Variants in THSD1 observed in about 807,000 individuals in gnomAD.
THSD1 encodes the protein thrombospondin type-1 domain-containing protein 1.
Under a neutral mutation model 46.3 loss-of-function variants are expected in THSD1, and 34 were observed. That is an observed-to-expected ratio of 0.74 (90% confidence interval 0.56 to 0.98). The LOEUF (loss-of-function observed/expected upper bound fraction) is 0.98. THSD1 is among the 50% of genes least tolerant of loss of function. The pLI is 0.00. For synonymous variants in THSD1, 407 were observed against 416.5 expected, an observed-to-expected ratio of 0.98 and a Z score of 0.28; for missense variants, 1,023 against 1,058.3, an observed-to-expected ratio of 0.97 and a Z score of 0.46.
intron 3 of THSD1, among the ~76,000 whole-genome samples, chr13:52,390,132 C>T (rs181951081): frequency 1.6e-5 from 2 of 126,242 alleles, no homozygotes; most frequent in Admixed American, 8.6e-5. Flanking sequence ...CAGAGTGAGA[C>T]ATTGTCTCAA....
intron 4 of THSD1, chr13:52,384,184 C>CAAAAA (rs754288122): frequency 1.7e-3 from 272 of 162,542 alleles, no homozygotes; most frequent in African/African-American, 0.011. Context: ...AACTCCGTCT[C>CAAAAA]AAAAAAAAAA....
In THSD1 at chr13:52,377,360, A is replaced by C; in HGVS notation, c.*51T>G. ...TACAAATAGTTACACAAAAGTCTACAAAACGCGAGTAGCAGACCCCAGCTG... is the reference window on the plus strand; with the variant it reads ...TACAAATAGTTACACAAAAGTCTACCAAACGCGAGTAGCAGACCCCAGCTG... On this transcript the variant is annotated 3_prime_UTR_variant, in exon 5 of 5. Coordinates refer to ENST00000258613, the MANE Select transcript of THSD1 (RefSeq NM_018676.4). The C allele has an allele frequency of 6.8e-7, 1 of 1,475,648 alleles. No individual in the cohort carries two copies. Among genetic ancestry groups the C allele is most frequent in the Non-Finnish European group, 9.0e-7 (1 of 1,107,832 alleles). 91.4% of individuals were successfully genotyped at this position (1,475,648 alleles called of 1,614,324 possible).
rs1460515527 is a variant in THSD1, at chr13:52,406,048, C to A, written c.-99G>T. Reference sequence around the variant, plus strand: ...CTTCTTACCTTTCGAGACTGACGGGCAGCAACCCCAGGCCGTCCGGGCGCG... The same window carrying A: ...CTTCTTACCTTTCGAGACTGACGGGAAGCAACCCCAGGCCGTCCGGGCGCG... On this transcript the variant is annotated 5_prime_UTR_variant, in exon 1 of 5. Coordinates refer to ENST00000258613, the MANE Select transcript of THSD1 (RefSeq NM_018676.4). The A allele has an allele frequency of 2.0e-5, 3 of 152,330 alleles. No individual in the cohort carries two copies. The highest frequency in any genetic ancestry group is 4.4e-5 in the Non-Finnish European group (3 of 68,118). 9.4% of individuals were successfully genotyped at this position (152,330 alleles called of 1,614,324 possible). A position where few individuals can be genotyped will look rare whatever the true frequency, so the allele number is the denominator to read the frequency against.
chr13:52,397,995 T>C lies in THSD1; in HGVS notation c.258A>G (p.Leu86=), dbSNP rs1957824995. 1 of 1,614,256 alleles carries C rather than the reference T, an allele frequency of 6.2e-7. No individual in the cohort carries two copies. Among genetic ancestry groups the C allele is most frequent in the Non-Finnish European group, 8.5e-7 (1 of 1,180,030 alleles). Residue 86 remains leucine (L), a synonymous_variant, in exon 3 of 5, where the codon CTA becomes CTG. Coordinates refer to ENST00000258613, the MANE Select transcript of THSD1 (RefSeq NM_018676.4). ...CCTTGAAATAGAAGCACTCAAACTT[T>C]AGTGTTCCCTGGGACTGGTTGGTCA... ...YLLTNQSQGT[L]KFECFYFKEA...
rs1388247388 is a variant in THSD1, at chr13:52,402,638, G to A, written c.-38C>T. On this transcript the variant is annotated 5_prime_UTR_variant, in exon 2 of 5. Transcript: ENST00000258613. ...AATCCCAGGTCTTTAGTCTCCTCAT[G>A]TCCTTTCTCACGTCCAGATTGTGAT... 6.2e-7 allele frequency: 1 copy of A among 1,612,088 alleles called. No individual in the cohort carries two copies. Among genetic ancestry groups the A allele is most frequent in the Non-Finnish European group, 8.5e-7 (1 of 1,179,148 alleles).
chr13:52,383,920 C>T (rs1433732489), intron 4 of THSD1, among the ~76,000 whole-genome samples: 1 of 152,032 alleles, frequency 6.6e-6, no homozygotes, highest in South Asian at 2.1e-4. Flanking sequence ...ATTAAGATGC[C>T]GGCTGGGCGT....
At chr13:52,387,117 A>G (rs1365492922) in intron 3 of THSD1, among the ~76,000 whole-genome samples, 1 of 152,228 alleles carries the variant, frequency 6.6e-6, no homozygotes, top group African/African-American at 2.4e-5. Flanking sequence ...GAAGAGGCAT[A>G]GCAAAAGATG....
intron 1 of THSD1, among the ~76,000 whole-genome samples, chr13:52,403,349 G>C (rs1322967720): frequency 6.6e-6 from 1 of 152,150 alleles, no homozygotes; most frequent in Non-Finnish European, 1.5e-5. Context: ...CATCAGTCCT[G>C]CAATACTTGT....
chr13:52,385,406 A>AAATAG (rs1163554774), intron 4 of THSD1, among the ~76,000 whole-genome samples: 5 of 152,190 alleles, frequency 3.3e-5, no homozygotes, highest in Non-Finnish European at 7.4e-5. Flanking sequence ...TGAGCAACAT[A>AAATAG]TCTATAGACT....
chr13:52,389,955 C>T (rs1957760915), intron 3 of THSD1, among the ~76,000 whole-genome samples: 1 of 151,928 alleles, frequency 6.6e-6, no homozygotes, highest in Non-Finnish European at 1.5e-5. Flanking sequence ...GCCTGGGCAA[C>T]ATAGCAAAAA....
intron 3 of THSD1, among the ~76,000 whole-genome samples, chr13:52,394,105 C>T (rs1041326005): frequency 2.0e-5 from 3 of 152,282 alleles, no homozygotes; most frequent in East Asian, 1.9e-4. Flanking sequence ...CCTTTTCCAG[C>T]GTCTTCCTGC....
In THSD1 at chr13:52,398,570, A is replaced by T. The variant is rs183959005; in HGVS notation, c.59-376T>A. 511 of 985,446 alleles carry T rather than the reference A, an allele frequency of 5.2e-4. 5 individuals are homozygous for T. In the African/African-American group the frequency reaches 8.3e-3, roughly 16 times the overall value. The allele number at this position is 985,446 out of a possible 1,614,324, so 61.0% of individuals were successfully genotyped here. On this transcript the variant is annotated intron_variant, in intron 2 of 4. Coordinates refer to ENST00000258613, the MANE Select transcript of THSD1 (RefSeq NM_018676.4). ...AACAGCATTTTAGACAAGAGAAGTT[A>T]GAACTGAGCCAGGGATGATGTAAAA... is the stretch of plus-strand genomic sequence containing the variant.
Position 52,386,011 on chromosome 13 carries a change from G to A in THSD1, c.1180+17C>T, listed in dbSNP as rs768110062. 6.2e-7 allele frequency: 1 copy of A among 1,612,014 alleles called. No individual in the cohort carries two copies. The highest frequency in any genetic ancestry group is 8.5e-7 in the Non-Finnish European group (1 of 1,178,908). On this transcript the variant is annotated intron_variant, in intron 4 of 4. Coordinates refer to ENST00000258613, the MANE Select transcript of THSD1 (RefSeq NM_018676.4). ...AGGCTCTGAGGAGAGACTCCCGAAG[G>A]AAGCAAGAATACCTACCAGCACACT... is the stretch of plus-strand genomic sequence containing the variant.
chr13:52,384,929 A>G (rs542910001), intron 4 of THSD1, among the ~76,000 whole-genome samples: 3 of 150,468 alleles, frequency 2.0e-5, no homozygotes, highest in Admixed American at 1.3e-4. Flanking sequence ...AGAGGAAGCT[A>G]CAATAAGAAA....
intron 3 of THSD1, among the ~76,000 whole-genome samples, chr13:52,388,346 A>G (rs1006241773): frequency 6.6e-6 from 1 of 152,222 alleles, no homozygotes; most frequent in Non-Finnish European, 1.5e-5. Flanking sequence ...TACCAGACAA[A>G]AATCTGCATT....
Position 52,378,019 on chromosome 13 carries a change from T to A in THSD1, c.1951A>T (p.Arg651Trp), listed in dbSNP as rs199634130. 1.1e-4 allele frequency: 171 copies of A among 1,614,048 alleles called. No individual in the cohort carries two copies. The highest frequency in any genetic ancestry group is 1.4e-4 in the Non-Finnish European group (163 of 1,180,046). ...ERSHARNAHF[R>W]RTASFHEARQ... is the part of the protein sequence containing the mutation. ...GCTTCATGGAAACTCGCTGTCCTCC[T>A]GAAATGGGCGTTCCTGGCATGGCTC... The change falls in exon 5 of 5, where the codon AGG becomes TGG. Residue 651 changes from arginine to tryptophan, a missense_variant. By Grantham distance (101) the Arg-to-Trp change is moderately radical. This residue lies in a region of THSD1 where 578 missense variants were observed against 497.4 expected (regional missense o/e 1.16). Transcript: ENST00000258613.
At position 52,378,145 on chromosome 13, in the gene THSD1, G is replaced by T. The variant is rs372430110; in HGVS notation, c.1825C>A (p.Leu609Ile). 1 of 1,614,212 alleles carries T rather than the reference G, an allele frequency of 6.2e-7. No individual in the cohort carries two copies. Residue 609 changes from leucine to isoleucine, a missense_variant, in exon 5 of 5, where the codon CTA (leucine) becomes ATA (isoleucine). Physicochemically the swap from Leu to Ile is conservative, Grantham distance 5. Coordinates refer to ENST00000258613, the MANE Select transcript of THSD1 (RefSeq NM_018676.4). ...AGERPPSRLDLNVTQASCAIS... is the reference protein window; with the variant it reads ...AGERPPSRLDINVTQASCAIS... ...GCACAACTGGCCTGAGTCACATTTAGATCCAGCCTGGAGGGAGGCCTTTCC... is the reference window on the plus strand; with the variant it reads ...GCACAACTGGCCTGAGTCACATTTATATCCAGCCTGGAGGGAGGCCTTTCC...
intron 3 of THSD1, among the ~76,000 whole-genome samples, chr13:52,395,575 A>C (rs1471545349): frequency 6.6e-6 from 1 of 152,174 alleles, no homozygotes; most frequent in African/African-American, 2.4e-5. Context: ...AGCCATCAGC[A>C]TCAAGGCTAA....
chr13:52,384,265 A>C (rs1364594261), intron 4 of THSD1: 5 of 354,248 alleles, frequency 1.4e-5, no homozygotes, highest in Admixed American at 6.8e-5. Flanking sequence ...TGTTAATTCC[A>C]GGTTGTTGAT....
Sources: gnomAD v4.1 joint callset for allele counts (sites outside exome capture counted in the v4.1 genomes callset) on GRCh38, gnomAD v4.1.1 for gene constraint, gnomAD v4.1.1 regional missense constraint, MANE v1.5 for transcripts, NCBI Gene and HGNC (gene_info 2026-07-23, HGNC 2026-07-21) for gene names.